The following MRPL13 variants were observed in gnomAD, a reference collection of about 807,000 sequenced individuals.
MRPL13 encodes large ribosomal subunit protein uL13m.
Under a neutral mutation model 29.0 loss-of-function variants are expected in MRPL13, and 33 were observed. That is an observed-to-expected ratio of 1.14 (90% CI 0.86 to 1.52). The LOEUF is 1.52. Ranked by LOEUF, MRPL13 falls within the 40% of genes most tolerant of loss-of-function variation. The pLI is 0.00. For missense variants in MRPL13, 227 were observed against 216.7 expected (o/e 1.05, Z -0.30); for synonymous variants, 77 against 68.4 (o/e 1.13, Z -0.62).
intron 2 of MRPL13, among the ~76,000 whole-genome samples, chr8:120,436,189 T>C (rs13268539): frequency 0.53 from 80,399 of 151,914 alleles, 24,558 homozygotes; most frequent in Non-Finnish European, 0.67. Flanking sequence ...TCTGGGATAA[T>C]GTCCAAGAGA....
intron 6 of MRPL13, among the ~76,000 whole-genome samples, chr8:120,401,225 C>T (rs748308267): frequency 7.2e-5 from 11 of 152,130 alleles, no homozygotes; most frequent in Non-Finnish European, 1.2e-4. Context: ...GCCAATATGC[C>T]TGATGAACAT....
At chr8:120,413,567 A>T (rs1444081715) in intron 6 of MRPL13, among the ~76,000 whole-genome samples, 1 of 152,200 alleles carries the variant, frequency 6.6e-6, no homozygotes, top group Non-Finnish European at 1.5e-5. Context: ...GAGGAGAGCA[A>T]AAAGTATTTT....
At chr8:120,425,402 A>C in intron 3 of MRPL13, 36 bp from the exon 4 acceptor site, 1 of 1,403,770 alleles carries the variant, frequency 7.1e-7, no homozygotes, top group Non-Finnish European at 1.0e-6. Context: ...AACTGGGCAT[A>C]GGCTGATACT....
intron 2 of MRPL13, 127 bp from the exon 3 acceptor site, chr8:120,432,250 G>A: frequency 3.6e-6 from 2 of 549,020 alleles, no homozygotes; most frequent in Non-Finnish European, 3.0e-6. Flanking sequence ...AAGTTACAGT[G>A]CAACATCAAA....
chr8:120,407,046 T>C (rs916455080), intron 6 of MRPL13, among the ~76,000 whole-genome samples: 38 of 152,220 alleles, frequency 2.5e-4, no homozygotes, highest in Non-Finnish European at 4.6e-4. Flanking sequence ...CTGTTTCCTA[T>C]AGCAAATTCT....
At chr8:120,402,148 T>C (rs1183877390) in intron 6 of MRPL13, among the ~76,000 whole-genome samples, 1 of 152,170 alleles carries the variant, frequency 6.6e-6, no homozygotes, top group Non-Finnish European at 1.5e-5. Context: ...TAGAATAAAC[T>C]ATTTTAAAAT....
chr8:120,395,911 T>C lies in MRPL13; in HGVS notation c.*193A>G. On this transcript the variant is annotated 3_prime_UTR_variant, in exon 7 of 7. Transcript: ENST00000306185. Reference sequence around the variant, plus strand: ...TTCAAATCAGATTACATAAAAATGGTTCTATAAAATTATATTTTAATTACA... The same window carrying C: ...TTCAAATCAGATTACATAAAAATGGCTCTATAAAATTATATTTTAATTACA... 2.0e-6 allele frequency: 1 copy of C among 490,644 alleles called. No individual in the cohort carries two copies. The highest frequency in any genetic ancestry group is 3.6e-6 in the Non-Finnish European group (1 of 275,054). 30.4% of individuals were successfully genotyped at this position (490,644 alleles called of 1,614,324 possible). A position where few individuals can be genotyped will look rare whatever the true frequency, so the allele number is the denominator to read the frequency against.
rs1430202135 is a variant in MRPL13 at position 120,414,028 on chromosome 8, G to A, written c.478C>T (p.Gln160Ter). 6.3e-7 allele frequency: 1 copy of A among 1,589,816 alleles called. No individual in the cohort carries two copies. Among genetic ancestry groups the A allele is most frequent in the African/African-American group, 1.4e-5 (1 of 73,370 alleles). ...CTTGGGAAGGCGTCTATTTCTTCTT[G>A]TGTGTACTCATCTAGACGTTTAGGT... ...KIPKRLDEYTQEEIDAFPRLW... is the reference protein window; with the variant it reads ...KIPKRLDEYT Residue 160 changes from glutamine to a stop codon, truncating the protein, a stop_gained, in exon 6 of 7, where the codon CAA becomes TAA. Transcript: ENST00000306185. LOFTEE classifies it high-confidence loss of function.
Position 120,440,567 on chromosome 8 carries a change from T to C in MRPL13, c.151+2618A>G, listed in dbSNP as rs1813107141. ...TTGCAGTGAGCCAAGATTGGGCCAC[T>C]GCACTCTAGCCTGGGCAACAAAGTG... On this transcript the variant is annotated intron_variant, in intron 2 of 6. Transcript: ENST00000306185. Among the ~76,000 whole-genome samples the C allele has an allele frequency of 2.1e-5, 3 of 145,858 alleles. No individual in the cohort carries two copies. In the Admixed American group the frequency reaches 2.1e-4, roughly 10 times the overall value.
chr8:120,432,349 A>C (rs796580593), intron 2 of MRPL13, among the ~76,000 whole-genome samples: 19 of 152,220 alleles, frequency 1.2e-4, no homozygotes, highest in African/African-American at 4.6e-4. Context: ...CAACACTGCA[A>C]AGTAAAAGAA....
intron 5 of MRPL13, chr8:120,415,463 G>C (rs1275904011): frequency 6.6e-6 from 1 of 151,604 alleles, no homozygotes. Flanking sequence ...CTTAAGACAT[G>C]TTGTCTTAAG....
At chr8:120,444,846 A>C in intron 1 of MRPL13, 1 of 414,924 alleles carries the variant, frequency 2.4e-6, no homozygotes, top group Non-Finnish European at 4.6e-6. Context: ...CCCCCAAGAA[A>C]GACATGAAAA....
At chr8:120,444,930 T>G (rs903160358) in intron 1 of MRPL13, 138 bp downstream of exon 1, 1 of 1,087,702 alleles carries the variant, frequency 9.2e-7, no homozygotes, top group African/African-American at 1.6e-5. Flanking sequence ...ACGACCCTCT[T>G]GTGCTTTCCC....
intron 2 of MRPL13, 125 bp from the exon 3 acceptor site, chr8:120,432,248 G>A: frequency 1.8e-6 from 1 of 558,206 alleles, no homozygotes; most frequent in Non-Finnish European, 2.9e-6. Context: ...GCAAGTTACA[G>A]TGCAACATCA....
chr8:120,429,084 T>C (rs1004678862), intron 3 of MRPL13, among the ~76,000 whole-genome samples: 3 of 152,056 alleles, frequency 2.0e-5, no homozygotes, highest in Admixed American at 6.6e-5. Context: ...AGTAAAGACA[T>C]GGAATTAACC....
At chr8:120,396,155 T>A in intron 6 of MRPL13, 30 bp from the exon 7 acceptor site, 1 of 1,523,978 alleles carries the variant, frequency 6.6e-7, no homozygotes, top group Non-Finnish European at 9.0e-7. Context: ...TATTTCTTCA[T>A]GAATCATTAT....
rs1243842079 is a variant in MRPL13 at position 120,411,453 on chromosome 8, A to T, written c.515+2538T>A. On this transcript the variant is annotated intron_variant, in intron 6 of 6. Coordinates refer to ENST00000306185, the MANE Select transcript of MRPL13 (RefSeq NM_014078.6). Reference sequence around the variant, plus strand: ...TATTTCTTAGATAAGCTTTTGGTTAATCCAAAAATGACTATATTTTTCCTG... The same window carrying T: ...TATTTCTTAGATAAGCTTTTGGTTATTCCAAAAATGACTATATTTTTCCTG... Among the ~76,000 whole-genome samples, 2 of 152,180 alleles carry T rather than the reference A, an allele frequency of 1.3e-5. 1 individual carries two copies. Among genetic ancestry groups the T allele is most frequent in the African/African-American group, 4.8e-5 (2 of 41,448 alleles).
intron 6 of MRPL13, among the ~76,000 whole-genome samples, chr8:120,400,898 TC>T (rs1812588069): frequency 6.6e-6 from 1 of 151,426 alleles, no homozygotes; most frequent in Non-Finnish European, 1.5e-5. Context: ...AAGTAGAAAA[TC>T]TGGAAGAAAT....
chr8:120,438,302 T>C (rs1042604120), intron 2 of MRPL13, among the ~76,000 whole-genome samples: 9 of 152,168 alleles, frequency 5.9e-5, no homozygotes, highest in East Asian at 1.9e-4. Context: ...GATGGCTCCA[T>C]TGCACTGCAG....
Sources: gnomAD v4.1 joint callset for allele counts (sites outside exome capture counted in the v4.1 genomes callset) on GRCh38, gnomAD v4.1.1 for gene constraint, MANE v1.5 for transcripts, NCBI Gene and HGNC (gene_info 2026-07-23, HGNC 2026-07-21) for gene names.